Variants in PDE10A observed in about 807,000 individuals in gnomAD.
PDE10A encodes the protein cAMP and cAMP-inhibited cGMP 3',5'-cyclic phosphodiesterase 10A.
A neutral mutation model predicts 97.7 loss-of-function variants in PDE10A; 39 were observed. The observed-to-expected ratio is 0.40, with a 90% confidence interval of 0.31 to 0.52. The LOEUF (loss-of-function observed/expected upper bound fraction) is 0.52, where lower values mean the gene tolerates loss of function less well. Among genes scored for constraint, PDE10A ranks in the 20% least tolerant of loss-of-function variants. PDE10A has a pLI of 0.56. For missense variants in PDE10A, 731 were observed against 1,047.8 expected (o/e 0.70, Z 4.17); for synonymous variants, 371 against 376.8 (o/e 0.98, Z 0.18).
At chr6:165,976,308 T>C (rs928394587) in intron 1 of PDE10A, among the ~76,000 whole-genome samples, 1 of 152,214 alleles carries the variant, frequency 6.6e-6, no homozygotes, top group Non-Finnish European at 1.5e-5. Flanking sequence ...TGTTGGGCCC[T>C]GAGTAAAATC....
intron 1 of PDE10A, among the ~76,000 whole-genome samples, chr6:165,754,015 G>A (rs1179325833): frequency 6.6e-6 from 1 of 152,122 alleles, no homozygotes; most frequent in East Asian, 1.9e-4. Context: ...ACCATGAAAA[G>A]CCCAGGAGTT....
At chr6:165,637,310 C>T (rs1788923175) in intron 1 of PDE10A, among the ~76,000 whole-genome samples, 1 of 152,088 alleles carries the variant, frequency 6.6e-6, no homozygotes, top group Non-Finnish European at 1.5e-5. Flanking sequence ...CCACCTATAC[C>T]ATACTAGGAT....
At chr6:165,900,610 C>G (rs200697866) in intron 1 of PDE10A, among the ~76,000 whole-genome samples, 1 of 152,252 alleles carries the variant, frequency 6.6e-6, no homozygotes, top group East Asian at 1.9e-4. Context: ...TGTATATACA[C>G]CTAGTTGTAA....
At chr6:165,954,401 C>T (rs1784065739) in intron 1 of PDE10A, among the ~76,000 whole-genome samples, 1 of 152,198 alleles carries the variant, frequency 6.6e-6, no homozygotes, top group Admixed American at 6.5e-5. Context: ...AGATCACACA[C>T]ACTCACATGG....
intron 1 of PDE10A, among the ~76,000 whole-genome samples, chr6:165,889,866 A>C (rs1384244294): frequency 6.1e-3 from 372 of 61,290 alleles, no homozygotes; most frequent in Middle Eastern, 0.012. Context: ...TCCCTCACTC[A>C]CTCCTCACTC....
At chr6:165,430,460 G>A (rs1398900721) in intron 8 of PDE10A, 115 bp from the exon 9 acceptor site, 1 of 605,240 alleles carries the variant, frequency 1.7e-6, no homozygotes. Context: ...AATCACTTGG[G>A]TTATAATGTA....
chr6:165,574,530 A>G (rs1785208246), intron 1 of PDE10A, among the ~76,000 whole-genome samples: 1 of 152,242 alleles, frequency 6.6e-6, no homozygotes, highest in Non-Finnish European at 1.5e-5. Flanking sequence ...TTAATTTTCA[A>G]AAAACCTATC....
chr6:165,372,657 G>C (rs1485469100), intron 18 of PDE10A, among the ~76,000 whole-genome samples: 1 of 150,098 alleles, frequency 6.7e-6, no homozygotes, highest in Non-Finnish European at 1.5e-5. Flanking sequence ...TACTGCCCAA[G>C]GTAATTTATA....
chr6:165,720,470 T>A (rs1792138268), intron 1 of PDE10A, among the ~76,000 whole-genome samples: 2 of 152,146 alleles, frequency 1.3e-5, no homozygotes, highest in Admixed American at 1.3e-4. Flanking sequence ...CTGGCAACTG[T>A]GCACAGCTAC....
chr6:165,359,707 G>T (rs534678798), intron 18 of PDE10A, among the ~76,000 whole-genome samples: 1 of 152,016 alleles, frequency 6.6e-6, no homozygotes, highest in African/African-American at 2.4e-5. Context: ...TTGATTGTGG[G>T]TCCTATTTTC....
chr6:165,854,699 C>A (rs1780670178), intron 1 of PDE10A, among the ~76,000 whole-genome samples: 1 of 152,170 alleles, frequency 6.6e-6, no homozygotes, highest in South Asian at 2.1e-4. Context: ...CCAAGCCGAG[C>A]CCGCAGAAGC....
rs576791817 is a variant in PDE10A at position 165,688,602 on chromosome 6, G to A, written c.-614-145034C>T. ...TGTTGGTGTGATGGGCAGTGGAATG[G>A]ACACGCATTGGATACGTAGTGGAAT... On this transcript the variant is annotated intron_variant, in intron 1 of 19. Transcript: ENST00000366882. Among the ~76,000 whole-genome samples the A allele has an allele frequency of 3.3e-5, 5 of 152,300 alleles. No homozygotes were observed. In the South Asian group the frequency reaches 1.0e-3, roughly 32 times the overall value.
intron 1 of PDE10A, among the ~76,000 whole-genome samples, chr6:165,826,918 G>C (rs1779775896): frequency 6.6e-6 from 1 of 151,838 alleles, no homozygotes; most frequent in South Asian, 2.1e-4. Context: ...GGGCGCAGGC[G>C]GGATGAGCCC....
rs761849339 is a variant in PDE10A, at chr6:165,379,250, C to G, written c.2727G>C (p.Lys909Asn). The change falls in exon 18 of 22, where the codon AAG becomes AAC. Residue 909 changes from lysine to asparagine, a missense_variant. Physicochemically the swap from Lys to Asn is moderately conservative, Grantham distance 94 (BLOSUM62 0). Around this residue, in one of 8 missense-constraint regions of PDE10A, gnomAD observed 96 missense variants for 156.7 expected, o/e 0.61. Coordinates refer to ENST00000539869, the MANE Select transcript of PDE10A (RefSeq NM_001385079.1). ...CGGTCTGGTACATCTCTTCCAACTG[C>G]TTCCTGTTTCCAAAGTATAAAGCAA... ...TDLALYFGNR[K>N]QLEEMYQTGS... 3 of 1,613,678 alleles carry G rather than the reference C, an allele frequency of 1.9e-6. No individual in the cohort carries two copies. The South Asian group carries it at 3.3e-5, about 18-fold the overall frequency.
chr6:165,557,061 C>A (rs1784292834), intron 1 of PDE10A, among the ~76,000 whole-genome samples: 1 of 152,094 alleles, frequency 6.6e-6, no homozygotes, highest in South Asian at 2.1e-4. Flanking sequence ...ATCGCTTGAA[C>A]CCAGGAGACG....
chr6:165,834,466 TG>T (rs1780016370), intron 1 of PDE10A, among the ~76,000 whole-genome samples: 1 of 151,808 alleles, frequency 6.6e-6, no homozygotes, highest in South Asian at 2.1e-4. Context: ...CGCCTGGGAG[TG>T]GGGGGAGTGA....
intron 1 of PDE10A, among the ~76,000 whole-genome samples, chr6:165,874,137 G>A (rs1360749361): frequency 2.0e-5 from 3 of 152,324 alleles, no homozygotes; most frequent in African/African-American, 7.2e-5. Flanking sequence ...GGAGACAGGG[G>A]AGGAGAAGCC....
intron 1 of PDE10A, among the ~76,000 whole-genome samples, chr6:165,586,034 T>C (rs1018401439): frequency 4.6e-5 from 7 of 152,146 alleles, no homozygotes; most frequent in African/African-American, 1.7e-4. Flanking sequence ...TTCACCAATG[T>C]ATAGTCAATC....
At chr6:165,980,068 GA>G (rs1784966592) in intron 1 of PDE10A, among the ~76,000 whole-genome samples, 1 of 152,236 alleles carries the variant, frequency 6.6e-6, no homozygotes, top group African/African-American at 2.4e-5. Context: ...AGCAGGAGAA[GA>G]AAAAAAGTTG....
Sources: allele counts gnomAD v4.1 joint callset (sites outside exome capture counted in the v4.1 genomes callset), GRCh38; gene constraint gnomAD v4.1.1; regional missense constraint gnomAD v4.1.1; transcripts MANE v1.5; gene names NCBI Gene and HGNC (gene_info 2026-07-23, HGNC 2026-07-21).